The following TG variants were observed in gnomAD, a reference collection of about 807,000 sequenced individuals.
TG encodes the protein thyroglobulin.
Under a neutral mutation model 324.7 loss-of-function variants are expected in TG, and 270 were observed. The ratio of observed to expected loss-of-function variants is 0.83; its 90% CI spans 0.75 to 0.92. The LOEUF is 0.92. Ranked by LOEUF, TG falls within the 40% of genes least tolerant of loss-of-function variation. The probability of loss-of-function intolerance (pLI) is 0.00; values close to 1 mark genes in which losing one functional copy is unlikely to be tolerated. For synonymous variants in TG, 1,401 were observed against 1,327.0 expected (o/e 1.06, Z -1.21); for missense variants, 3,591 against 3,456.4 (o/e 1.04, Z -0.98).
At chr8:133,082,738 A>C (rs921848102) in intron 41 of TG, among the ~76,000 whole-genome samples, 1 of 152,242 alleles carries the variant, frequency 6.6e-6, no homozygotes, top group Admixed American at 6.5e-5. Context: ...TGACGGTAGG[A>C]TCTGTAACAG....
At chr8:133,030,134 C>A in intron 41 of TG, 111 bp downstream of exon 41, 1 of 1,353,692 alleles carries the variant, frequency 7.4e-7, no homozygotes, top group Non-Finnish European at 1.1e-6. Flanking sequence ...TTCCCTTGTC[C>A]TTTGTCCTGA....
chr8:132,919,973 A>G (rs994792052), intron 21 of TG, among the ~76,000 whole-genome samples: 4 of 152,210 alleles, frequency 2.6e-5, no homozygotes, highest in Non-Finnish European at 5.9e-5. Flanking sequence ...CAAGAAAAGA[A>G]AGTTAGTCAA....
intron 44 of TG, among the ~76,000 whole-genome samples, chr8:133,116,316 T>C (rs1006920326): frequency 3.9e-5 from 6 of 152,254 alleles, no homozygotes; most frequent in Non-Finnish European, 8.8e-5. Flanking sequence ...CCTGGGAAGA[T>C]GTTTATTTCA....
At chr8:133,097,886 G>A (rs891810251) in intron 43 of TG, among the ~76,000 whole-genome samples, 9 of 152,156 alleles carry the variant, frequency 5.9e-5, no homozygotes, top group Non-Finnish European at 1.0e-4. Flanking sequence ...ATTTCTGAAG[G>A]TTCCTATCTG....
At chr8:132,968,205 C>T (rs1003795775) in intron 31 of TG, among the ~76,000 whole-genome samples, 1 of 152,278 alleles carries the variant, frequency 6.6e-6, no homozygotes, top group East Asian at 1.9e-4. Flanking sequence ...GGCAGTATTT[C>T]AATGCAGAAG....
intron 43 of TG, among the ~76,000 whole-genome samples, chr8:133,112,534 C>G (rs1309859072): frequency 6.9e-6 from 1 of 144,658 alleles, no homozygotes; most frequent in Non-Finnish European, 1.5e-5. Flanking sequence ...GGGGGAATTT[C>G]AGAGAGAAAT....
chr8:133,010,791 C>T (rs1008976865), intron 35 of TG, among the ~76,000 whole-genome samples: 7 of 152,218 alleles, frequency 4.6e-5, no homozygotes, highest in African/African-American at 1.7e-4. Context: ...CACCTCTGCC[C>T]AAGCCATCTC....
chr8:133,105,223 T>C (rs1052141223), intron 43 of TG, among the ~76,000 whole-genome samples: 1 of 152,152 alleles, frequency 6.6e-6, no homozygotes, highest in African/African-American at 2.4e-5. Context: ...TGAGCAAAAA[T>C]TGACTACAGG....
Position 132,925,584 on chromosome 8 carries a change from T to G in TG, c.4699+2076T>G, listed in dbSNP as rs79756650. On this transcript the variant is annotated intron_variant, in intron 22 of 47. Coordinates refer to ENST00000220616, the MANE Select transcript of TG (RefSeq NM_003235.5). ...ATAAATTGCAAATCCAATGAAAGTC[T>G]TATTTTTTTCCCAACATCCCTCTTC... Among the ~76,000 whole-genome samples, 334 of 149,802 alleles carry G rather than the reference T, an allele frequency of 2.2e-3. 4 individuals are homozygous for G. Among genetic ancestry groups the G allele is most frequent in the Admixed American group, 0.011 (169 of 14,984 alleles).
chr8:133,051,145 G>A (rs1840335303), intron 41 of TG, among the ~76,000 whole-genome samples: 1 of 152,134 alleles, frequency 6.6e-6, no homozygotes, highest in South Asian at 2.1e-4. Flanking sequence ...AGCCTGCCTT[G>A]GCCCTCATGT....
At position 132,893,859 on chromosome 8, in the gene TG, G is replaced by GC; in HGVS notation, c.2935dup (p.Arg979ProfsTer13). 6.2e-7 allele frequency: 1 copy of GC among 1,614,036 alleles called. No homozygotes were observed. Among genetic ancestry groups the GC allele is most frequent in the Non-Finnish European group, 8.5e-7 (1 of 1,179,950 alleles). On this transcript the variant is annotated frameshift_variant, in exon 11 of 48. Coordinates refer to ENST00000220616, the MANE Select transcript of TG (RefSeq NM_003235.5). LOFTEE classifies it high-confidence loss of function. ...ACCTCGGCCTTCCTCCGCTCTTCCC[G>GC]CCCCGGGAGGCTTTCGCGGAGCAGT... is the stretch of plus-strand genomic sequence containing the variant.
At chr8:132,875,787 G>A (rs1002744294) in intron 5 of TG, among the ~76,000 whole-genome samples, 3 of 152,168 alleles carry the variant, frequency 2.0e-5, no homozygotes, top group Non-Finnish European at 4.4e-5. Context: ...TTATGGTATT[G>A]AAAGGTCATG....
At chr8:133,111,871 C>A (rs1014086922) in intron 43 of TG, among the ~76,000 whole-genome samples, 7 of 152,248 alleles carry the variant, frequency 4.6e-5, no homozygotes, top group African/African-American at 1.4e-4. Context: ...GAGAACAAAG[C>A]CCTCTTTGCA....
rs1814762230 is a variant in TG, at chr8:132,882,338, A to G, written c.746-131A>G. 26 of 1,104,572 alleles carry G rather than the reference A, an allele frequency of 2.4e-5. No homozygotes were observed. In the South Asian group the frequency reaches 3.1e-4, roughly 13 times the overall value. The allele number at this position is 1,104,572 out of a possible 1,614,324, so 68.4% of individuals were successfully genotyped here. On this transcript the variant is annotated intron_variant, in intron 6 of 47. Transcript: ENST00000220616. ...AGCAGCTCTGACTTTGGAAACTGTT[A>G]AAGTGTTGTTCAGACTTATTGCCTA...
intron 40 of TG, among the ~76,000 whole-genome samples, chr8:133,023,385 C>T (rs1309151322): frequency 6.6e-6 from 1 of 151,890 alleles, no homozygotes; most frequent in Non-Finnish European, 1.5e-5. Context: ...CTCTGAGAGA[C>T]TCTGGGTCCC....
chr8:133,070,791 G>A (rs1054863127), intron 41 of TG, among the ~76,000 whole-genome samples: 5 of 152,208 alleles, frequency 3.3e-5, no homozygotes, highest in African/African-American at 1.2e-4. Flanking sequence ...GGGAGCTGGT[G>A]TGCACACTGG....
intron 44 of TG, 54 bp from the exon 45 acceptor site, chr8:133,116,555 A>G (rs978807911): frequency 1.1e-4 from 162 of 1,539,154 alleles, no homozygotes; most frequent in South Asian, 3.1e-4. Context: ...TCCAGGCACC[A>G]TGGCCCATAG....
At position 133,133,598 on chromosome 8, in the gene TG, G is replaced by T. The variant is rs1217648641; in HGVS notation, c.8126G>T (p.Gly2709Val). The T allele has an allele frequency of 1.9e-6, 3 of 1,614,222 alleles. No individual in the cohort carries two copies. Among genetic ancestry groups the T allele is most frequent in the East Asian group, 2.2e-5 (1 of 44,884 alleles). Reference protein sequence around the residue: ...EFSELLPNRQGLKKADCSFWS... With the variant: ...EFSELLPNRQVLKKADCSFWS... Reference sequence around the variant, plus strand: ...AGTGAGCTGCTCCCCAATCGACAGGGCCTGAAGAAAGCCGACTGCTCCTTC... The same window carrying T: ...AGTGAGCTGCTCCCCAATCGACAGGTCCTGAAGAAAGCCGACTGCTCCTTC... The change falls in exon 47 of 48, where the codon GGC becomes GTC. Residue 2709 changes from glycine (G) to valine (V), a missense_variant. Physicochemically the swap from Gly to Val is moderately radical, Grantham distance 109. Coordinates refer to ENST00000220616, the MANE Select transcript of TG (RefSeq NM_003235.5).
chr8:133,046,832 T>C (rs962019027), intron 41 of TG, among the ~76,000 whole-genome samples: 2 of 152,200 alleles, frequency 1.3e-5, no homozygotes, highest in Admixed American at 6.5e-5. Context: ...ATGTGGTCCC[T>C]GCTTTCTGAA....
Sources: allele counts gnomAD v4.1 joint callset (sites outside exome capture counted in the v4.1 genomes callset), GRCh38; gene constraint gnomAD v4.1.1; transcripts MANE v1.5; gene names NCBI Gene and HGNC (gene_info 2026-07-23, HGNC 2026-07-21).